Variants in PRKAG2 observed in about 807,000 individuals in gnomAD.
PRKAG2 encodes protein kinase AMP-activated non-catalytic subunit gamma 2, also known as 5'-AMP-activated protein kinase subunit gamma-2.
PRKAG2 carries 26 observed loss-of-function variants against 69.6 expected under a neutral mutation model. The ratio of observed to expected loss-of-function variants is 0.37; its 90% CI spans 0.27 to 0.52. The LOEUF (loss-of-function observed/expected upper bound fraction) is 0.52. Among genes scored for constraint, PRKAG2 ranks in the 20% least tolerant of loss-of-function variants. The pLI is 0.90. For missense variants in PRKAG2, 557 were observed against 740.0 expected (o/e 0.75, Z 2.87); for synonymous variants, 293 against 285.0 (o/e 1.03, Z -0.28).
chr7:151,841,816 T>C (rs978825879), intron 1 of PRKAG2, among the ~76,000 whole-genome samples: 2 of 145,842 alleles, frequency 1.4e-5, no homozygotes, highest in African/African-American at 5.2e-5. Context: ...GTAGTGATGG[T>C]AGGTTGTGAT....
chr7:151,673,050 G>A (rs1225646455), intron 4 of PRKAG2, among the ~76,000 whole-genome samples: 4 of 152,132 alleles, frequency 2.6e-5, no homozygotes, highest in South Asian at 2.1e-4. Flanking sequence ...TGTTACACTC[G>A]CGGGGAGGAA....
Position 151,786,488 on chromosome 7 carries a change from T to C in PRKAG2, c.168A>G (p.Gly56=). The part of the protein sequence containing the change: ...PLLDGDLEGS[G]KHSSRKVDSP... Reference sequence around the variant, plus strand: ...GTCTTACCTTTCGAGAGGAATGCTTTCCGGAACCCTCCAGGTCTCCGTCCA... The same window carrying C: ...GTCTTACCTTTCGAGAGGAATGCTTCCCGGAACCCTCCAGGTCTCCGTCCA... The change falls in exon 2 of 16, where the codon GGA becomes GGG. Residue 56 remains glycine, a synonymous_variant. Coordinates refer to ENST00000287878, the MANE Select transcript of PRKAG2 (RefSeq NM_016203.4). The C allele has an allele frequency of 6.2e-7, 1 of 1,612,644 alleles. No individual in the cohort carries two copies. Among genetic ancestry groups the C allele is most frequent in the African/African-American group, 1.3e-5 (1 of 75,002 alleles).
chr7:151,643,206 C>G (rs1013883180), intron 4 of PRKAG2, among the ~76,000 whole-genome samples: 2 of 152,138 alleles, frequency 1.3e-5, no homozygotes, highest in Non-Finnish European at 2.9e-5. Flanking sequence ...GTTGATAACT[C>G]TTAGTATTGT....
intron 2 of PRKAG2, among the ~76,000 whole-genome samples, chr7:151,782,343 G>A (rs193133217): frequency 0.049 from 1,258 of 25,532 alleles, 15 homozygotes; most frequent in African/African-American, 0.11. Flanking sequence ...GAAGGAAGGA[G>A]GGAGGGAGGG....
chr7:151,656,093 T>C (rs1343696487), intron 4 of PRKAG2, among the ~76,000 whole-genome samples: 2 of 152,234 alleles, frequency 1.3e-5, no homozygotes, highest in Admixed American at 6.5e-5. Flanking sequence ...AGTAGCACTA[T>C]ATTGTGCTTT....
intron 1 of PRKAG2, among the ~76,000 whole-genome samples, chr7:151,797,222 T>C (rs2151833531): frequency 1.1e-5 from 1 of 91,292 alleles, no homozygotes; most frequent in South Asian, 3.2e-4. Flanking sequence ...AGTCAGCTTC[T>C]TGCCACCCCC....
At chr7:151,783,009 C>G (rs1436114544) in intron 2 of PRKAG2, among the ~76,000 whole-genome samples, 7 of 152,250 alleles carry the variant, frequency 4.6e-5, no homozygotes, top group Non-Finnish European at 1.0e-4. Flanking sequence ...ACAGGACACC[C>G]CACAGGCAGC....
At chr7:151,833,023 G>A (rs903022839) in intron 1 of PRKAG2, among the ~76,000 whole-genome samples, 2 of 152,194 alleles carry the variant, frequency 1.3e-5, no homozygotes, top group African/African-American at 4.8e-5. Context: ...CGTTTATGGT[G>A]CACCAGCCCT....
At chr7:151,560,795 C>T (rs1015420201) in intron 14 of PRKAG2, among the ~76,000 whole-genome samples, 178 bp from the exon 15 acceptor site, 1 of 152,160 alleles carries the variant, frequency 6.6e-6, no homozygotes, top group African/African-American at 2.4e-5. Flanking sequence ...TGCTGGTGTG[C>T]ACCTGTGGTC....
intron 5 of PRKAG2, among the ~76,000 whole-genome samples, chr7:151,617,282 A>AGGGAGGGAGGGAG (rs1820390687): frequency 1.4e-4 from 1 of 7,150 alleles, no homozygotes; most frequent in African/African-American, 5.9e-4. Context: ...GAGGGAGGGA[A>AGGGAGGGAGGGAG]AGAGGGAGGG....
chr7:151,787,681 C>A (rs551883441), intron 1 of PRKAG2, among the ~76,000 whole-genome samples: 1 of 151,884 alleles, frequency 6.6e-6, no homozygotes, highest in African/African-American at 2.4e-5. Context: ...TGAATTGTGT[C>A]TCCCTTCCCA....
chr7:151,560,769 A>G, intron 14 of PRKAG2, 152 bp from the exon 15 acceptor site: 1 of 1,102,722 alleles, frequency 9.1e-7, no homozygotes, highest in Non-Finnish European at 1.3e-6. Context: ...CAAAAACATT[A>G]GACAGTGGCT....
chr7:151,669,143 C>T (rs1180296478), intron 4 of PRKAG2, among the ~76,000 whole-genome samples: 1 of 152,144 alleles, frequency 6.6e-6, no homozygotes, highest in Non-Finnish European at 1.5e-5. Context: ...TCTCCCTGCA[C>T]TCACTCTTTC....
At chr7:151,636,533 G>T (rs1223634572) in intron 4 of PRKAG2, among the ~76,000 whole-genome samples, 1 of 152,112 alleles carries the variant, frequency 6.6e-6, no homozygotes, top group African/African-American at 2.4e-5. Flanking sequence ...CACACACCTT[G>T]TTTATCCTTT....
intron 15 of PRKAG2, chr7:151,560,119 A>G (rs1804579638): frequency 4.1e-6 from 4 of 985,104 alleles, no homozygotes; most frequent in Non-Finnish European, 4.8e-6. Context: ...TCTACTCAAA[A>G]TATAAGTTTT....
chr7:151,726,654 G>A (rs1031905543), intron 3 of PRKAG2, among the ~76,000 whole-genome samples: 1 of 152,058 alleles, frequency 6.6e-6, no homozygotes, highest in African/African-American at 2.4e-5. Flanking sequence ...AACGCCGCAC[G>A]CAGGCACGGC....
At chr7:151,635,304 C>T (rs554696892) in intron 4 of PRKAG2, among the ~76,000 whole-genome samples, 1 of 152,302 alleles carries the variant, frequency 6.6e-6, no homozygotes, top group African/African-American at 2.4e-5. Flanking sequence ...ACTAAACATG[C>T]AACTACCATG....
intron 1 of PRKAG2, among the ~76,000 whole-genome samples, chr7:151,855,601 C>CGCCACCCTCCACACAT (rs1491391254): frequency 2.0e-4 from 30 of 146,974 alleles, no homozygotes; most frequent in African/African-American, 7.3e-4. Context: ...CCTCCACACA[C>CGCCACCCTCCACACAT]GCCACCCTCC....
intron 6 of PRKAG2, among the ~76,000 whole-genome samples, chr7:151,588,653 C>T (rs761806034): frequency 4.6e-5 from 7 of 152,120 alleles, no homozygotes; most frequent in Non-Finnish European, 8.8e-5. Flanking sequence ...AGACACCGCA[C>T]CCAGCGATCT....
Sources: allele counts gnomAD v4.1 joint callset (sites outside exome capture counted in the v4.1 genomes callset), GRCh38; gene constraint gnomAD v4.1.1; transcripts MANE v1.5; gene names NCBI Gene and HGNC (gene_info 2026-07-23, HGNC 2026-07-21).